Variants in CIMAP1B observed in about 807,000 individuals in gnomAD.
CIMAP1B encodes ciliary microtubule associated protein 1B.
chr22:50,531,207 C>T, the CIMAP1B span: 4 of 1,612,826 alleles, frequency 2.5e-6, no homozygotes, highest in South Asian at 1.1e-5. Context: ...TCTGCTGTTC[C>T]GCCTGGACAC....
At chr22:50,532,195 G>A in the CIMAP1B span, 1 of 1,244,850 alleles carries the variant, frequency 8.0e-7, no homozygotes, top group Non-Finnish European at 1.0e-6. Flanking sequence ...GATCAGCGCG[G>A]GGCGGGGCGG....
the CIMAP1B span, chr22:50,530,622 TGGA>T: frequency 1.9e-6 from 3 of 1,566,978 alleles, no homozygotes; most frequent in Non-Finnish European, 2.6e-6. Context: ...CCGGGACCCC[TGGA>T]CCCCCGGGGA....
chr22:50,531,671 A>G, the CIMAP1B span: 3 of 1,371,186 alleles, frequency 2.2e-6, no homozygotes, highest in African/African-American at 1.5e-5. Flanking sequence ...AGCGGGCACC[A>G]GGTGGCCTGG....
the CIMAP1B span, chr22:50,531,133 G>T: frequency 3.1e-5 from 50 of 1,587,338 alleles, 1 homozygote; most frequent in African/African-American, 6.0e-4. Context: ...CCCGGAGGGC[G>T]GTCCCCGGTC....
At chr22:50,531,394 AT>A in the CIMAP1B span, 2 of 1,146,644 alleles carry the variant, frequency 1.7e-6, no homozygotes, top group Non-Finnish European at 2.5e-6. Flanking sequence ...CTGAGCCACG[AT>A]TTATCAAAGC....
chr22:50,531,357 G>A, the CIMAP1B span: 1 of 1,357,810 alleles, frequency 7.4e-7, no homozygotes, highest in South Asian at 1.3e-5. Context: ...GGGTACCCGA[G>A]ATGGGGTCCT....
the CIMAP1B span, chr22:50,530,680 A>G: frequency 1.7e-5 from 27 of 1,607,068 alleles, no homozygotes; most frequent in African/African-American, 3.0e-4. Context: ...CACTCTCCTG[A>G]CTCTGACCCT....
the CIMAP1B span, chr22:50,530,583 G>A: frequency 1.3e-6 from 2 of 1,571,974 alleles, no homozygotes; most frequent in Non-Finnish European, 1.7e-6. Flanking sequence ...AGACACCGCT[G>A]ACCTCGCGGG....
At chr22:50,531,323 G>T in the CIMAP1B span, 7 of 1,549,498 alleles carry the variant, frequency 4.5e-6, no homozygotes, top group Non-Finnish European at 4.4e-6. Context: ...GGTGTGGGGG[G>T]CTAGAACTGC....
the CIMAP1B span, chr22:50,531,668 A>G: frequency 7.3e-7 from 1 of 1,369,776 alleles, no homozygotes; most frequent in Non-Finnish European, 9.4e-7. Flanking sequence ...GCGAGCGGGC[A>G]CCAGGTGGCC....
the CIMAP1B span, chr22:50,530,555 C>G: frequency 6.3e-7 from 1 of 1,591,502 alleles, no homozygotes; most frequent in Admixed American, 1.8e-5. Context: ...CGCGGGGCTT[C>G]CGGTGCTGCG....
the CIMAP1B span, chr22:50,531,669 C>G: frequency 7.3e-7 from 1 of 1,370,488 alleles, no homozygotes; most frequent in Non-Finnish European, 9.4e-7. Flanking sequence ...CGAGCGGGCA[C>G]CAGGTGGCCT....
chr22:50,531,959 C>T, the CIMAP1B span: 3 of 1,327,644 alleles, frequency 2.3e-6, no homozygotes, highest in Non-Finnish European at 2.9e-6. Context: ...CCGGGGCCTG[C>T]CCCTTCTACC....
At chr22:50,531,226 C>T in the CIMAP1B span, 44 of 1,613,000 alleles carry the variant, frequency 2.7e-5, no homozygotes, top group East Asian at 8.9e-4. Context: ...ACCCCAGTTT[C>T]GGGGAGCAAT....
At chr22:50,530,752 T>A in the CIMAP1B span, 1 of 1,610,126 alleles carries the variant, frequency 6.2e-7, no homozygotes, top group East Asian at 2.2e-5. Flanking sequence ...CTTCCGAGTG[T>A]TGTCTTGGGG....
chr22:50,531,491 G>A, the CIMAP1B span: 6 of 1,277,854 alleles, frequency 4.7e-6, no homozygotes, highest in Admixed American at 1.0e-4. Context: ...GGGACTCGGG[G>A]TTCAGGTCGG....
the CIMAP1B span, chr22:50,531,801 CG>C: frequency 2.2e-6 from 3 of 1,350,452 alleles, no homozygotes; most frequent in South Asian, 5.8e-5. Context: ...AGCGTCTGGC[CG>C]GGCCCAGCCC....
chr22:50,532,334 C>G, the CIMAP1B span: 1 of 388,286 alleles, frequency 2.6e-6, no homozygotes, highest in Non-Finnish European at 4.5e-6. Context: ...GGGACGTGAA[C>G]TCGCGGGGGC....
chr22:50,531,101 C>G, the CIMAP1B span: 1 of 1,592,680 alleles, frequency 6.3e-7, no homozygotes, highest in Non-Finnish European at 8.6e-7. Flanking sequence ...TCTCCGCGGA[C>G]AGGCGCAGGG....
Sources: gnomAD v4.1 joint callset for allele counts on GRCh38, gnomAD v4.1.1 for gene constraint, MANE v1.5 for transcripts, NCBI Gene and HGNC (gene_info 2026-07-23, HGNC 2026-07-21) for gene names.